Variants in CAND2 observed in about 807,000 individuals in gnomAD.
CAND2 encodes cullin associated and neddylation dissociated 2 (putative).
Under a neutral mutation model 98.9 loss-of-function variants are expected in CAND2, and 62 were observed. That is an observed-to-expected ratio of 0.63 (90% CI 0.51 to 0.77). The LOEUF is 0.77. Ranked by LOEUF, CAND2 falls within the 30% of genes least tolerant of loss-of-function variation. The pLI is 0.00. For synonymous variants in CAND2, 770 were observed against 731.9 expected, an observed-to-expected ratio of 1.05 and a Z score of -0.84; for missense variants, 1,501 against 1,655.2, an observed-to-expected ratio of 0.91 and a Z score of 1.62.
chr3:12,810,507 G>T (rs2061843993), intron 5 of CAND2, among the ~76,000 whole-genome samples, 183 bp downstream of exon 5: 1 of 152,154 alleles, frequency 6.6e-6, no homozygotes, highest in Non-Finnish European at 1.5e-5. Flanking sequence ...CCTGGGGCGG[G>T]CGGCTGAAGC....
Position 12,827,558 on chromosome 3 carries a change from T to A in CAND2, c.3329T>A (p.Phe1110Tyr). ...SCLGQLDICE[F>Y]LNHVEDGLKD... ...CTGGGCCAGCTGGATATCTGTGAGT[T>A]CCTGAACCATGTGGAGGACGGGCTG... Residue 1110 changes from phenylalanine (F) to tyrosine (Y), a missense_variant, in exon 13 of 15, where the codon TTC (phenylalanine) becomes TAC (tyrosine). Physicochemically the swap from Phe to Tyr is conservative, Grantham distance 22. Coordinates refer to ENST00000456430, the MANE Select transcript of CAND2 (RefSeq NM_001162499.2). 5 of 1,613,898 alleles carry A rather than the reference T, an allele frequency of 3.1e-6. No homozygotes were observed. Among genetic ancestry groups the A allele is most frequent in the Non-Finnish European group, 4.2e-6 (5 of 1,179,908 alleles).
intron 2 of CAND2, 63 bp from the exon 3 acceptor site, chr3:12,807,243 A>C: frequency 6.8e-7 from 1 of 1,480,126 alleles, no homozygotes. Flanking sequence ...GGGGACATAA[A>C]GGGGCAGCCT....
intron 11 of CAND2, among the ~76,000 whole-genome samples, chr3:12,823,530 C>G (rs2061975109): frequency 6.6e-6 from 1 of 151,984 alleles, no homozygotes; most frequent in Non-Finnish European, 1.5e-5. Context: ...AGATCGAGAC[C>G]ATCCTGGCTA....
Position 12,817,251 on chromosome 3 carries a change from C to T in CAND2, c.2319C>T (p.Asp773=), listed in dbSNP as rs376576749. 5.6e-6 allele frequency: 9 copies of T among 1,613,834 alleles called. No homozygotes were observed. The African/African-American group carries it at 1.2e-4, about 22-fold the overall frequency. The change falls in exon 10 of 15, where the codon GAC becomes GAT. Residue 773 remains aspartate, a synonymous_variant. Coordinates refer to ENST00000456430, the MANE Select transcript of CAND2 (RefSeq NM_001162499.2). ...ALVGTRPPCV[D]YAKLISLLTA... is the part of the protein sequence containing the mutation. The stretch of plus-strand genomic sequence containing the variant: ...TAGGGACCCGTCCCCCGTGTGTGGA[C>T]TATGCCAAACTCATCAGCCTGCTCA...
chr3:12,817,039 G>A lies in CAND2; in HGVS notation c.2107G>A (p.Val703Ile), dbSNP rs1559553989. Residue 703 changes from valine (V) to isoleucine (I), a missense_variant, in exon 10 of 15, where the codon GTC becomes ATC. Coordinates refer to ENST00000456430, the MANE Select transcript of CAND2 (RefSeq NM_001162499.2). Reference sequence around the variant, plus strand: ...CGTGCTGGCTGAGCTGCCTGCCCTGGTCAACGAGAGCGACATGCATGTGGC... The same window carrying A: ...CGTGCTGGCTGAGCTGCCTGCCCTGATCAACGAGAGCGACATGCATGTGGC... Reference protein sequence around the residue: ...QAVLAELPALVNESDMHVAQL... With the variant: ...QAVLAELPALINESDMHVAQL... 6.2e-7 allele frequency: 1 copy of A among 1,612,958 alleles called. No individual in the cohort carries two copies. Among genetic ancestry groups the A allele is most frequent in the South Asian group, 1.1e-5 (1 of 91,084 alleles).
chr3:12,821,742 G>A (rs1243910941), intron 11 of CAND2, among the ~76,000 whole-genome samples: 2 of 152,052 alleles, frequency 1.3e-5, no homozygotes, highest in Non-Finnish European at 2.9e-5. Flanking sequence ...TCATCATAGT[G>A]GATGCTCACA....
rs544377883 is a variant in CAND2, at chr3:12,820,088, C to T, written c.2947C>T (p.Arg983Trp). Residue 983 changes from arginine (R) to tryptophan (W), a missense_variant and splice_region_variant, in exon 11 of 15, where the codon CGG (arginine) becomes TGG (tryptophan). Physicochemically the swap from Arg to Trp is moderately radical, Grantham distance 101. Around this residue, in one of 3 missense-constraint regions of CAND2, gnomAD observed 1,427 missense variants for 1,545.3 expected, o/e 0.92. Coordinates refer to ENST00000456430, the MANE Select transcript of CAND2 (RefSeq NM_001162499.2). Reference sequence around the variant, plus strand: ...ACTCACCTCTTCTTGTCCTGCAGGTCGGCCACACACCCGGAGCACCGTCAT... The same window carrying T: ...ACTCACCTCTTCTTGTCCTGCAGGTTGGCCACACACCCGGAGCACCGTCAT... ...PRLRKQLAAGRPHTRSTVITA... is the reference protein window; with the variant it reads ...PRLRKQLAAGWPHTRSTVITA... The T allele has an allele frequency of 2.5e-5, 41 of 1,613,870 alleles. No individual in the cohort carries two copies. The East Asian group carries it at 3.6e-4, about 14-fold the overall frequency.
intron 10 of CAND2, 27 bp from the exon 11 acceptor site, chr3:12,820,059 A>G: frequency 6.3e-7 from 1 of 1,599,668 alleles, no homozygotes; most frequent in Non-Finnish European, 8.6e-7. Context: ...CCTGCCCCTC[A>G]CTAACTCACC....
intron 5 of CAND2, among the ~76,000 whole-genome samples, 181 bp downstream of exon 5, chr3:12,810,505 G>A (rs991128435): frequency 3.3e-5 from 5 of 152,170 alleles, no homozygotes; most frequent in South Asian, 2.1e-4. Flanking sequence ...GGCCTGGGGC[G>A]GGCGGCTGAA....
intron 7 of CAND2, 47 bp downstream of exon 7, chr3:12,813,435 A>G: frequency 6.3e-7 from 1 of 1,580,590 alleles, no homozygotes; most frequent in Non-Finnish European, 8.6e-7. Flanking sequence ...AGGTGAACAC[A>G]GCCTTCCTGG....
chr3:12,815,284 C>G lies in CAND2; in HGVS notation c.1150C>G (p.Arg384Gly), dbSNP rs371286239. The stretch of plus-strand genomic sequence containing the variant: ...CACCCTGGCACCTGTGCTCATCCGC[C>G]GCTTCAAAGAACGCGAGGAGAACGT... ...HCTLAPVLIR[R>G]FKEREENVKA... The change falls in exon 8 of 15, where the codon CGC (arginine) becomes GGC (glycine). Residue 384 changes from arginine to glycine, a missense_variant. By Grantham distance (125) the Arg-to-Gly change is moderately radical. Around this residue, in one of 3 missense-constraint regions of CAND2, gnomAD observed 1,427 missense variants for 1,545.3 expected, o/e 0.92. Coordinates refer to ENST00000456430, the MANE Select transcript of CAND2 (RefSeq NM_001162499.2). This position sits in a 1 kb window ranked among gnomAD's most constrained non-coding sequence, Gnocchi z 5.7. The G allele has an allele frequency of 1.9e-5, 31 of 1,613,860 alleles. No individual in the cohort carries two copies. Among genetic ancestry groups the G allele is most frequent in the Non-Finnish European group, 2.5e-5 (29 of 1,180,058 alleles).
intron 1 of CAND2, among the ~76,000 whole-genome samples, chr3:12,800,463 G>A (rs980869457): frequency 2.6e-5 from 4 of 152,136 alleles, no homozygotes; most frequent in Admixed American, 2.0e-4. Context: ...GGCCCAGCAG[G>A]GTCAGTAAAA....
intron 14 of CAND2, chr3:12,832,877 C>G (rs891911545): frequency 1.3e-5 from 2 of 152,212 alleles, no homozygotes; most frequent in Admixed American, 1.3e-4. Context: ...GTTATCTGCA[C>G]AGTATTACCT....
At chr3:12,828,386 G>T (rs1232637897) in intron 13 of CAND2, among the ~76,000 whole-genome samples, 3 of 140,404 alleles carry the variant, frequency 2.1e-5, no homozygotes, top group Admixed American at 7.4e-5. Flanking sequence ...CACTCAGGCT[G>T]GAGTGCAGTG....
At chr3:12,807,483 G>C in intron 3 of CAND2, 23 bp downstream of exon 3, 1 of 1,542,598 alleles carries the variant, frequency 6.5e-7, no homozygotes, top group East Asian at 2.4e-5. Context: ...CCAGGACTAG[G>C]TACTGTTAGT....
At chr3:12,828,980 C>T (rs1158306181) in intron 13 of CAND2, among the ~76,000 whole-genome samples, 1 of 152,216 alleles carries the variant, frequency 6.6e-6, no homozygotes, top group Admixed American at 6.5e-5. Context: ...GTGTTCCCAG[C>T]TTCTGGCTAT....
chr3:12,832,874 GCA>G (rs2062066411), intron 14 of CAND2: 1 of 152,192 alleles, frequency 6.6e-6, no homozygotes, highest in African/African-American at 2.4e-5. Context: ...AATGTTATCT[GCA>G]CAGTATTACC....
In CAND2 at chr3:12,820,107, C is replaced by CCGT. The variant is rs1399189853; in HGVS notation, c.2968_2970dup (p.Val990dup). On this transcript the variant is annotated inframe_insertion, in exon 11 of 15. Coordinates refer to ENST00000456430, the MANE Select transcript of CAND2 (RefSeq NM_001162499.2). ...GCAGGTCGGCCACACACCCGGAGCACCGTCATCACAGCGGTCAAGTTCCTT... is the reference window on the plus strand; with the variant it reads ...GCAGGTCGGCCACACACCCGGAGCACCGTCGTCATCACAGCGGTCAAGTTCCTT... 6.2e-7 allele frequency: 1 copy of CCGT among 1,614,176 alleles called. No homozygotes were observed. The highest frequency in any genetic ancestry group is 1.1e-5 in the South Asian group (1 of 91,082).
At position 12,825,738 on chromosome 3, in the gene CAND2, G is replaced by T; in HGVS notation, c.3210+99G>T. On this transcript the variant is annotated intron_variant, in intron 12 of 14. Transcript: ENST00000456430. ...ATTATCTCATCAGAGCAGGTGCCGG[G>T]GCCACATGGCCTGGGTCAAGTCCTG... The T allele has an allele frequency of 1.6e-6, 2 of 1,290,228 alleles. 1 individual carries two copies. Among genetic ancestry groups the T allele is most frequent in the South Asian group, 2.8e-5 (2 of 71,166 alleles). The allele number at this position is 1,290,228 out of a possible 1,614,324, so 79.9% of individuals were successfully genotyped here.
Sources: allele counts gnomAD v4.1 joint callset (sites outside exome capture counted in the v4.1 genomes callset), GRCh38; gene constraint gnomAD v4.1.1; regional missense constraint gnomAD v4.1.1; non-coding constraint Gnocchi (gnomAD v3.1); transcripts MANE v1.5; gene names NCBI Gene and HGNC (gene_info 2026-07-23, HGNC 2026-07-21).